The following SPTBN1 variants were observed in gnomAD, a reference collection of about 807,000 sequenced individuals.
The protein encoded by SPTBN1 is spectrin beta chain, non-erythrocytic 1.
Under a neutral mutation model 266.4 loss-of-function variants are expected in SPTBN1, and 32 were observed. The observed-to-expected ratio is 0.12, with a 90% CI of 0.09 to 0.16. SPTBN1 has a LOEUF of 0.16. Among genes scored for constraint, SPTBN1 ranks in the 10% least tolerant of loss-of-function variants. The pLI is 1.00. For missense variants in SPTBN1, 2,296 were observed against 3,067.1 expected (o/e 0.75, Z 5.94); for synonymous variants, 1,336 against 1,162.2 (o/e 1.15, Z -3.04).
chr2:54,602,181 C>T (rs750169096), intron 3 of SPTBN1, among the ~76,000 whole-genome samples: 5 of 152,212 alleles, frequency 3.3e-5, no homozygotes, highest in Non-Finnish European at 7.3e-5. Flanking sequence ...TAGTCTATAA[C>T]TCTCCATAAA....
chr2:54,641,659 A>C (rs1280422079), intron 18 of SPTBN1, among the ~76,000 whole-genome samples: 1 of 152,042 alleles, frequency 6.6e-6, no homozygotes, highest in Non-Finnish European at 1.5e-5. Flanking sequence ...TTTTGCTTTT[A>C]ACCCCCTCCC....
chr2:54,618,777 C>A (rs1677805998), intron 7 of SPTBN1, among the ~76,000 whole-genome samples: 1 of 152,124 alleles, frequency 6.6e-6, no homozygotes, highest in South Asian at 2.1e-4. Flanking sequence ...ATGAGGAAGG[C>A]ACCTTTGGGA....
intron 1 of SPTBN1, among the ~76,000 whole-genome samples, chr2:54,518,761 T>C (rs1670260026): frequency 6.6e-6 from 1 of 152,232 alleles, no homozygotes; most frequent in African/African-American, 2.4e-5. Flanking sequence ...TTCTTCATTT[T>C]ATTTAATTTA....
Position 54,562,533 on chromosome 2 carries a change from C to CTTTTTTTT in SPTBN1, c.148+35972_148+35979dup, listed in dbSNP as rs1553447705. Among the ~76,000 whole-genome samples, 311 of 126,830 alleles carry CTTTTTTTT rather than the reference C, an allele frequency of 2.5e-3. 2 individuals are homozygous for CTTTTTTTT. The highest frequency in any genetic ancestry group is 9.7e-3 in the African/African-American group (300 of 30,916). 83.2% of individuals were successfully genotyped at this position (126,830 alleles called of 152,430 possible). ...AAATGCTTACTTTTCTTTTCTTTTTCTTTTTTTTTTTTGAGGCAAGGTCTG... is the reference window on the plus strand; with the variant it reads ...AAATGCTTACTTTTCTTTTCTTTTTCTTTTTTTTTTTTTTTTTTTTGAGGCAAGGTCTG... On this transcript the variant is annotated intron_variant, in intron 2 of 35. Transcript: ENST00000356805.
At chr2:54,544,642 G>T (rs1672130892) in intron 2 of SPTBN1, among the ~76,000 whole-genome samples, 1 of 152,030 alleles carries the variant, frequency 6.6e-6, no homozygotes, top group Non-Finnish European at 1.5e-5. Context: ...ACATTTATTT[G>T]TACTAAATAC....
Position 54,653,776 on chromosome 2 carries a change from C to G in SPTBN1, c.5745C>G (p.Arg1915=). Reference sequence around the variant, plus strand: ...TGGTGGACACAGGGGACAAGTTCCGCTTCTTCAGCATGGTGCGCGACCTCA... The same window carrying G: ...TGGTGGACACAGGGGACAAGTTCCGGTTCTTCAGCATGGTGCGCGACCTCA... ...VRLVDTGDKF[R]FFSMVRDLML... The change falls in exon 27 of 36, where the codon CGC becomes CGG. Residue 1915 remains arginine, a synonymous_variant. Transcript: ENST00000356805. The surrounding 1 kb of genome is among the most constrained non-coding windows in gnomAD (Gnocchi z 5.1). 6.2e-7 allele frequency: 1 copy of G among 1,614,242 alleles called. No individual in the cohort carries two copies. The highest frequency in any genetic ancestry group is 1.1e-5 in the South Asian group (1 of 91,088).
chr2:54,525,298 G>A (rs937079715), intron 1 of SPTBN1, among the ~76,000 whole-genome samples: 1 of 152,076 alleles, frequency 6.6e-6, no homozygotes, highest in East Asian at 1.9e-4. Context: ...AGGTTAGAGT[G>A]CAATGGTATG....
chr2:54,550,865 G>A (rs1246215996), intron 2 of SPTBN1, among the ~76,000 whole-genome samples: 1 of 152,178 alleles, frequency 6.6e-6, no homozygotes, highest in Non-Finnish European at 1.5e-5. Flanking sequence ...TATGCCCATG[G>A]ATGGGGCTGA....
chr2:54,524,949 AT>A (rs71770881), intron 1 of SPTBN1, among the ~76,000 whole-genome samples: 88,652 of 151,770 alleles, frequency 0.58, 26,136 homozygotes, highest in Admixed American at 0.63. Context: ...CTCTGCTGTC[AT>A]TTTTTTTTAT....
chr2:54,573,571 A>T (rs1428673635), intron 2 of SPTBN1, among the ~76,000 whole-genome samples: 1 of 152,176 alleles, frequency 6.6e-6, no homozygotes, highest in Non-Finnish European at 1.5e-5. Flanking sequence ...GTGATTCAGC[A>T]GTTGATTTGG....
At chr2:54,529,852 C>CAAAAAAAAAAAAA in intron 2 of SPTBN1, 1 of 57,530 alleles carries the variant, frequency 1.7e-5, no homozygotes, top group Non-Finnish European at 2.9e-5. Flanking sequence ...CTCTTTTCAC[C>CAAAAAAAAAAAAA]AAAAAAAAAA....
chr2:54,576,560 T>C (rs576184728), intron 2 of SPTBN1, among the ~76,000 whole-genome samples: 44 of 152,128 alleles, frequency 2.9e-4, no homozygotes, highest in Non-Finnish European at 4.7e-4. Context: ...GCTTATACGC[T>C]CTAGTTGATG....
At chr2:54,561,052 C>T (rs1459181038) in intron 2 of SPTBN1, among the ~76,000 whole-genome samples, 3 of 152,210 alleles carry the variant, frequency 2.0e-5, no homozygotes, top group Admixed American at 6.5e-5. Flanking sequence ...TACATTCCTG[C>T]AAGGGTGCCT....
chr2:54,503,138 C>T (rs1669360151), intron 1 of SPTBN1, among the ~76,000 whole-genome samples: 1 of 152,310 alleles, frequency 6.6e-6, no homozygotes, highest in East Asian at 1.9e-4. Context: ...ATCTGCTGAG[C>T]TTATTTTTGG....
At chr2:54,526,600 A>G in intron 2 of SPTBN1, 34 bp downstream of exon 2, 1 of 1,594,816 alleles carries the variant, frequency 6.3e-7, no homozygotes. Flanking sequence ...GAGGCCCAGG[A>G]TGCCTAAAAT....
intron 18 of SPTBN1, among the ~76,000 whole-genome samples, chr2:54,640,069 T>G (rs1432039281): frequency 6.6e-6 from 1 of 152,136 alleles, no homozygotes; most frequent in Non-Finnish European, 1.5e-5. Flanking sequence ...GCTTGGGGGC[T>G]CTAAAACACT....
At chr2:54,599,033 T>G in intron 2 of SPTBN1, 59 bp from the exon 3 acceptor site, 10 of 1,586,076 alleles carry the variant, frequency 6.3e-6, no homozygotes, top group Non-Finnish European at 8.6e-6. Context: ...CCTGCTAGCA[T>G]GTGCCTGCTC....
At position 54,626,661 on chromosome 2, in the gene SPTBN1, C is replaced by T. The variant is rs1387682260; in HGVS notation, c.1644+427C>T. 6.6e-6 allele frequency among the ~76,000 whole-genome samples: 1 copy of T among 152,100 alleles called. No homozygotes were observed. The highest frequency in any genetic ancestry group is 2.4e-5 in the African/African-American group (1 of 41,404). ...CCATGGACAGAGGAGAGGTCAGGAA[C>T]CAGGCAGCCAGAGTTCTGATTGTGA... On this transcript the variant is annotated intron_variant, in intron 12 of 35. Coordinates refer to ENST00000356805, the MANE Select transcript of SPTBN1 (RefSeq NM_003128.3). This position sits in a 1 kb window ranked among gnomAD's most constrained non-coding sequence, Gnocchi z 4.7.
At chr2:54,465,637 CTCATATATATATAT>C (rs1300761847) in intron 1 of SPTBN1, among the ~76,000 whole-genome samples, 54 of 89,748 alleles carry the variant, frequency 6.0e-4, no homozygotes, top group East Asian at 2.8e-3. Context: ...TCATGTTTAT[CTCATATATATATAT>C]ATATATATAT....
Sources: gnomAD v4.1 joint callset for allele counts (sites outside exome capture counted in the v4.1 genomes callset) on GRCh38, gnomAD v4.1.1 for gene constraint, Gnocchi (gnomAD v3.1) non-coding constraint, MANE v1.5 for transcripts, NCBI Gene and HGNC (gene_info 2026-07-23, HGNC 2026-07-21) for gene names.